Variants in DNAH6 observed in about 807,000 individuals in gnomAD.
The protein encoded by DNAH6 is dynein axonemal heavy chain 6, also known as axonemal beta dynein heavy chain 6.
Under a neutral mutation model 491.4 loss-of-function variants are expected in DNAH6, and 340 were observed. The ratio of observed to expected loss-of-function variants is 0.69; its 90% CI spans 0.63 to 0.76. The LOEUF is 0.76. Among genes scored for constraint, DNAH6 ranks in the 30% least tolerant of loss-of-function variants. DNAH6 has a pLI of 0.00. For synonymous variants in DNAH6, 1,603 were observed against 1,686.1 expected, an observed-to-expected ratio of 0.95 and a Z score of 1.21; for missense variants, 4,443 against 4,972.2, an observed-to-expected ratio of 0.89 and a Z score of 3.20.
intron 68 of DNAH6, among the ~76,000 whole-genome samples, chr2:84,791,691 A>G (rs1287776849): frequency 2.0e-5 from 3 of 150,222 alleles, no homozygotes; most frequent in East Asian, 3.9e-4. Context: ...TATTTTCAAT[A>G]TATATTCTTT....
chr2:84,768,033 A>G (rs1232665460), intron 64 of DNAH6, among the ~76,000 whole-genome samples: 2 of 152,120 alleles, frequency 1.3e-5, no homozygotes, highest in African/African-American at 4.8e-5. Flanking sequence ...AATAAAGTCA[A>G]CATTAAGCCT....
At chr2:84,710,578 A>G (rs1696942457) in intron 56 of DNAH6, among the ~76,000 whole-genome samples, 166 bp downstream of exon 56, 1 of 152,246 alleles carries the variant, frequency 6.6e-6, no homozygotes, top group Non-Finnish European at 1.5e-5. Context: ...TCACATTGCA[A>G]GAGGGGTGGG....
At chr2:84,474,973 T>G in the DNAH6 span, among the ~76,000 whole-genome samples, 1 of 152,248 alleles carries the variant, frequency 6.6e-6, no homozygotes, top group African/African-American at 2.4e-5. Context: ...TTCACTGTGC[T>G]TCTTCTAGTT....
At chr2:84,651,785 T>G (rs576633731) in intron 33 of DNAH6, among the ~76,000 whole-genome samples, 1 of 152,280 alleles carries the variant, frequency 6.6e-6, no homozygotes, top group Admixed American at 6.5e-5. Context: ...TTAGTTGTAC[T>G]TAATGGAAGG....
At chr2:84,567,077 C>A (rs977600122) in intron 11 of DNAH6, among the ~76,000 whole-genome samples, 1 of 151,968 alleles carries the variant, frequency 6.6e-6, no homozygotes, top group Non-Finnish European at 1.5e-5. Context: ...ACTTAAAAAT[C>A]TGGATGCAAG....
chr2:84,766,766 G>A (rs1559017466), intron 64 of DNAH6, among the ~76,000 whole-genome samples: 1 of 152,182 alleles, frequency 6.6e-6, no homozygotes, highest in Non-Finnish European at 1.5e-5. Context: ...AGAGGAGGAG[G>A]CTAAGGGGCT....
At chr2:84,487,902 A>G in the DNAH6 span, among the ~76,000 whole-genome samples, 4 of 152,184 alleles carry the variant, frequency 2.6e-5, no homozygotes. Flanking sequence ...AGAGAAAAGT[A>G]CATTCCTGGG....
chr2:84,800,994 G>A (rs1263275841), intron 70 of DNAH6, among the ~76,000 whole-genome samples: 7 of 148,520 alleles, frequency 4.7e-5, no homozygotes, highest in African/African-American at 1.7e-4. Context: ...ACTATCGCAA[G>A]AACAAAAAAC....
intron 10 of DNAH6, among the ~76,000 whole-genome samples, chr2:84,554,817 G>C (rs1429446151): frequency 6.6e-6 from 1 of 152,234 alleles, no homozygotes; most frequent in African/African-American, 2.4e-5. Context: ...ATGGGATGCA[G>C]GTGTCCCAGA....
At chr2:84,500,087 C>T in the DNAH6 span, among the ~76,000 whole-genome samples, 1 of 152,084 alleles carries the variant, frequency 6.6e-6, no homozygotes, top group Non-Finnish European at 1.5e-5. Context: ...TGGGGTATTG[C>T]TCAAGAAATG....
the DNAH6 span, among the ~76,000 whole-genome samples, chr2:84,476,147 C>T: frequency 6.6e-6 from 1 of 152,164 alleles, no homozygotes; most frequent in Admixed American, 6.5e-5. Flanking sequence ...TCAAGAGAAA[C>T]TTTTCAATTA....
chr2:84,470,283 A>G, the DNAH6 span, among the ~76,000 whole-genome samples: 1 of 152,164 alleles, frequency 6.6e-6, no homozygotes, highest in Non-Finnish European at 1.5e-5. Context: ...ACCCCAAGAG[A>G]GGGTTCTTGG....
chr2:84,619,562 A>G, intron 23 of DNAH6, 123 bp from the exon 24 acceptor site: 3 of 817,650 alleles, frequency 3.7e-6, no homozygotes, highest in Non-Finnish European at 5.7e-6. Flanking sequence ...CATGACCAGT[A>G]TAATTGGAGG....
At chr2:84,502,590 G>T in the DNAH6 span, among the ~76,000 whole-genome samples, 2 of 152,162 alleles carry the variant, frequency 1.3e-5, no homozygotes, top group Non-Finnish European at 2.9e-5. Context: ...CTGTCTGGAA[G>T]ATCTGTCCAA....
chr2:84,688,288 C>A, intron 44 of DNAH6, 151 bp from the exon 45 acceptor site: 8 of 488,904 alleles, frequency 1.6e-5, no homozygotes, highest in Non-Finnish European at 2.0e-5. Flanking sequence ...TGAGAAAAAT[C>A]AAAACCCTAT....
At chr2:84,482,129 G>A in the DNAH6 span, among the ~76,000 whole-genome samples, 2 of 152,106 alleles carry the variant, frequency 1.3e-5, no homozygotes, top group Non-Finnish European at 2.9e-5. Flanking sequence ...CACAAACACA[G>A]ACATATGCAA....
intron 64 of DNAH6, chr2:84,777,366 T>G (rs949295138): frequency 2.6e-6 from 1 of 386,652 alleles, no homozygotes; most frequent in Non-Finnish European, 5.0e-6. Flanking sequence ...GAGATTCCAT[T>G]CTGTCCCAAA....
At chr2:84,552,733 G>A (rs1679520766) in intron 9 of DNAH6, among the ~76,000 whole-genome samples, 185 bp from the exon 10 acceptor site, 1 of 152,100 alleles carries the variant, frequency 6.6e-6, no homozygotes, top group African/African-American at 2.4e-5. Flanking sequence ...ACATTGTTAT[G>A]TAGTCTTTCA....
chr2:84,526,900 C>G (rs1378886728), intron 3 of DNAH6, among the ~76,000 whole-genome samples: 1 of 151,874 alleles, frequency 6.6e-6, no homozygotes, highest in Admixed American at 6.6e-5. Flanking sequence ...AAGGAGAGAA[C>G]GTGTATAGAC....
Sources: allele counts gnomAD v4.1 joint callset (sites outside exome capture counted in the v4.1 genomes callset), GRCh38; gene constraint gnomAD v4.1.1; transcripts MANE v1.5; gene names NCBI Gene and HGNC (gene_info 2026-07-23, HGNC 2026-07-21).